TSPAN18: variants seen among roughly 807,000 people sequenced by gnomAD.
The protein encoded by TSPAN18 is tetraspanin 18.
TSPAN18 carries 14 observed loss-of-function variants against 27.3 expected under a neutral mutation model. That is an observed-to-expected ratio of 0.51 (90% CI 0.34 to 0.80). TSPAN18 has a LOEUF of 0.80. Ranked by LOEUF, TSPAN18 falls within the 30% of genes least tolerant of loss-of-function variation. The pLI is 0.01. For synonymous variants in TSPAN18, 143 were observed against 136.5 expected (o/e 1.05, Z -0.33); for missense variants, 268 against 323.9 (o/e 0.83, Z 1.32).
At chr11:44,861,793 T>TCACACACACACA (rs56816197) in intron 3 of TSPAN18, among the ~76,000 whole-genome samples, 22 of 132,142 alleles carry the variant, frequency 1.7e-4, no homozygotes, top group South Asian at 2.7e-4. Flanking sequence ...AGCCCAAATT[T>TCACACACACACA]CACACACACA....
chr11:44,868,491 C>T (rs943876515), intron 3 of TSPAN18, among the ~76,000 whole-genome samples: 3 of 152,126 alleles, frequency 2.0e-5, no homozygotes, highest in South Asian at 4.2e-4. Context: ...TCAGTACTGG[C>T]GTTGGGAGCC....
intron 8 of TSPAN18, among the ~76,000 whole-genome samples, chr11:44,924,485 C>T (rs1379429807): frequency 6.6e-6 from 1 of 152,132 alleles, no homozygotes; most frequent in Admixed American, 6.5e-5. Context: ...CTCTCCTGGG[C>T]CATTGCTGTT....
intron 2 of TSPAN18, among the ~76,000 whole-genome samples, chr11:44,806,499 A>G (rs909335789): frequency 6.6e-6 from 1 of 152,194 alleles, no homozygotes; most frequent in Non-Finnish European, 1.5e-5. Flanking sequence ...CTTCAGCTCA[A>G]CTTGCACTAG....
In TSPAN18 at chr11:44,851,615, T is replaced by TCCC. The variant is rs35373492; in HGVS notation, c.-152-8706_-152-8704dup. On this transcript the variant is annotated intron_variant, in intron 2 of 9. Coordinates refer to ENST00000520358, the MANE Select transcript of TSPAN18 (RefSeq NM_130783.5). ...TGTTAGCCCAGGTACTCTTGTCACCTCCCCCCCCCAACGGCTGGGTCCCTG... is the reference window on the plus strand; with the variant it reads ...TGTTAGCCCAGGTACTCTTGTCACCTCCCCCCCCCCCCAACGGCTGGGTCCCTG... Among the ~76,000 whole-genome samples the TCCC allele has an allele frequency of 4.0e-4, 49 of 122,768 alleles. 2 individuals are homozygous for TCCC. The highest frequency in any genetic ancestry group is 6.1e-4 in the Non-Finnish European group (34 of 55,550). The allele number at this position is 122,768 out of a possible 152,430, so 80.5% of individuals were successfully genotyped here. A position where few individuals can be genotyped will look rare whatever the true frequency, so the allele number is the denominator to read the frequency against.
intron 2 of TSPAN18, among the ~76,000 whole-genome samples, chr11:44,823,156 GC>G (rs901013853): frequency 5.3e-5 from 8 of 152,218 alleles, no homozygotes; most frequent in Middle Eastern, 3.4e-3. Context: ...GGCCGGCAAC[GC>G]CCCCCCACTG....
chr11:44,802,079 A>G (rs1038468672), intron 2 of TSPAN18, among the ~76,000 whole-genome samples: 1 of 152,064 alleles, frequency 6.6e-6, no homozygotes, highest in Non-Finnish European at 1.5e-5. Flanking sequence ...GTCATCATCC[A>G]TGCACTTCCC....
rs539981725 is a variant in TSPAN18, at chr11:44,735,650, G to A, written c.-240+8363G>A. On this transcript the variant is annotated intron_variant, in intron 1 of 9. Coordinates refer to ENST00000520358, the MANE Select transcript of TSPAN18 (RefSeq NM_130783.5). ...TTTTTTTTTTTTTAGGCGGAGTCTC[G>A]CTCTGTCACCCAGGCTGGAGCGCAG... 6.1e-5 allele frequency among the ~76,000 whole-genome samples: 9 copies of A among 147,260 alleles called. No individual in the cohort carries two copies. The South Asian group carries it at 1.1e-3, about 18-fold the overall frequency.
At chr11:44,850,100 G>A (rs546193681) in intron 2 of TSPAN18, among the ~76,000 whole-genome samples, 7 of 152,202 alleles carry the variant, frequency 4.6e-5, no homozygotes, top group East Asian at 3.9e-4. Context: ...CATTGTTCTC[G>A]GCTCCCTTCC....
intron 2 of TSPAN18, among the ~76,000 whole-genome samples, chr11:44,831,092 G>A (rs962833548): frequency 2.6e-5 from 4 of 152,188 alleles, no homozygotes; most frequent in Middle Eastern, 3.4e-3. Flanking sequence ...CAGCCTGGGC[G>A]ACACAGCAAG....
intron 8 of TSPAN18, among the ~76,000 whole-genome samples, chr11:44,923,086 G>A (rs1860204238): frequency 1.3e-5 from 2 of 152,170 alleles, no homozygotes; most frequent in South Asian, 4.2e-4. Flanking sequence ...TTCAGCCTGG[G>A]CAGCACAGTG....
intron 2 of TSPAN18, among the ~76,000 whole-genome samples, chr11:44,815,303 C>T (rs753970848): frequency 2.0e-5 from 3 of 152,188 alleles, no homozygotes; most frequent in Admixed American, 6.5e-5. Flanking sequence ...CATCTTGTGT[C>T]GAAACAAGGG....
chr11:44,807,669 C>T (rs1856630907), intron 2 of TSPAN18, among the ~76,000 whole-genome samples: 1 of 152,038 alleles, frequency 6.6e-6, no homozygotes, highest in Admixed American at 6.5e-5. Flanking sequence ...GTTTGGGAAT[C>T]ACTGGTTGAG....
At chr11:44,880,776 G>A (rs541687163) in intron 3 of TSPAN18, among the ~76,000 whole-genome samples, 15 of 152,362 alleles carry the variant, frequency 9.8e-5, no homozygotes, top group African/African-American at 2.2e-4. Context: ...CCTCTGAGCC[G>A]CCTCCAGCCC....
intron 1 of TSPAN18, among the ~76,000 whole-genome samples, chr11:44,748,415 AAG>A (rs1855133220): frequency 6.6e-6 from 1 of 151,948 alleles, no homozygotes; most frequent in Non-Finnish European, 1.5e-5. Context: ...AAAAAAAAAA[AAG>A]AGACCATCAC....
At chr11:44,726,864 G>C (rs889818693), upstream of TSPAN18, 2 of 32,486 alleles carry the variant, frequency 6.2e-5, no homozygotes, top group Non-Finnish European at 1.8e-4. Flanking sequence ...ACGGCGTCTG[G>C]AGCCGGGAGG....
At chr11:44,890,085 C>T (rs1858792955) in intron 3 of TSPAN18, among the ~76,000 whole-genome samples, 1 of 152,214 alleles carries the variant, frequency 6.6e-6, no homozygotes, top group South Asian at 2.1e-4. Flanking sequence ...TTTGCTCCTG[C>T]TGCAAACTTT....
chr11:44,880,396 G>T (rs1036683042), intron 3 of TSPAN18, among the ~76,000 whole-genome samples: 4 of 102,272 alleles, frequency 3.9e-5, no homozygotes, highest in Admixed American at 9.5e-5. Context: ...CTGGTGAAGG[G>T]GTGTCACCTC....
At chr11:44,927,564 G>A (rs891410666) in intron 9 of TSPAN18, among the ~76,000 whole-genome samples, 8 of 152,204 alleles carry the variant, frequency 5.3e-5, no homozygotes, top group African/African-American at 7.2e-5. Context: ...GTGCAGTTTC[G>A]TGGAGGCTAC....
intron 1 of TSPAN18, among the ~76,000 whole-genome samples, chr11:44,760,743 C>G (rs771479146): frequency 5.3e-5 from 8 of 152,206 alleles, no homozygotes; most frequent in Non-Finnish European, 1.0e-4. Flanking sequence ...TTGGCTTATA[C>G]TCATCGTAGT....
Sources: gnomAD v4.1 joint callset for allele counts (sites outside exome capture counted in the v4.1 genomes callset) on GRCh38, gnomAD v4.1.1 for gene constraint, MANE v1.5 for transcripts, NCBI Gene and HGNC (gene_info 2026-07-23, HGNC 2026-07-21) for gene names.